PLA2G15: variants seen among roughly 807,000 people sequenced by gnomAD.
PLA2G15 encodes lysosomal phospholipase A and acyltransferase.
A neutral mutation model predicts 40.9 loss-of-function variants in PLA2G15; 20 were observed. The observed-to-expected ratio is 0.49, with a 90% CI of 0.34 to 0.71. The LOEUF is 0.71. Among genes scored for constraint, PLA2G15 ranks in the 30% least tolerant of loss-of-function variants. The pLI is 0.01. For missense variants in PLA2G15, 471 were observed against 541.9 expected, an observed-to-expected ratio of 0.87 and a Z score of 1.30; for synonymous variants, 223 against 228.2, an observed-to-expected ratio of 0.98 and a Z score of 0.21.
chr16:68,254,841 C>CAGGA lies in PLA2G15; in HGVS notation c.285-77_285-74dup, dbSNP rs151307163. The CAGGA allele has an allele frequency of 1.4e-3, 1,192 of 871,270 alleles. 15 individuals are homozygous for CAGGA. The African/African-American group carries it at 0.017, about 12-fold the overall frequency. The allele number at this position is 871,270 out of a possible 1,614,324, so 54.0% of individuals were successfully genotyped here. A position where few individuals can be genotyped will look rare whatever the true frequency, so the allele number is the denominator to read the frequency against. Reference sequence around the variant, plus strand: ...CTGGGCATGAGAAGGGAGTATGACTCAGGACATGATGCACTGTTGGGACAC... The same window carrying CAGGA: ...CTGGGCATGAGAAGGGAGTATGACTCAGGAAGGACATGATGCACTGTTGGGACAC... On this transcript the variant is annotated intron_variant, in intron 2 of 5. Transcript: ENST00000219345.
In PLA2G15 at chr16:68,255,661, G is replaced by A; in HGVS notation, c.503-105G>A. ...CCCAGACCGCTCTGTTTGAATGTGA[G>A]CACCCTCCCCTCCCCCTCTCGTCTT... On this transcript the variant is annotated intron_variant, in intron 4 of 5. Coordinates refer to ENST00000219345, the MANE Select transcript of PLA2G15 (RefSeq NM_012320.4). This position sits in a 1 kb window ranked among gnomAD's most constrained non-coding sequence, Gnocchi z 5.9. 1 of 928,518 alleles carries A rather than the reference G, an allele frequency of 1.1e-6. No individual in the cohort carries two copies. The highest frequency in any genetic ancestry group is 1.4e-5 in the South Asian group (1 of 69,046). The allele number at this position is 928,518 out of a possible 1,614,324, so 57.5% of individuals were successfully genotyped here. A position where few individuals can be genotyped will look rare whatever the true frequency, so the allele number is the denominator to read the frequency against.
chr16:68,259,329 T>G lies in PLA2G15; in HGVS notation c.911T>G (p.Phe304Cys), dbSNP rs1336160834. The G allele has an allele frequency of 2.5e-6, 4 of 1,614,062 alleles. No individual in the cohort carries two copies. The South Asian group carries it at 4.4e-5, about 18-fold the overall frequency. The change falls in exon 6 of 6, where the codon TTT becomes TGT. Residue 304 changes from phenylalanine (F) to cysteine (C), a missense_variant. By Grantham distance (205) the Phe-to-Cys change is radical. Coordinates refer to ENST00000219345, the MANE Select transcript of PLA2G15 (RefSeq NM_012320.4). The surrounding 1 kb of genome is among the most constrained non-coding windows in gnomAD (Gnocchi z 6.5). ...DYRKFFQDIG[F>C]EDGWLMRQDT... ...CGCAAGTTCTTCCAGGACATCGGCT[T>G]TGAAGATGGCTGGCTCATGCGGCAG...
chr16:68,249,641 C>G (rs1567571974), intron 2 of PLA2G15, among the ~76,000 whole-genome samples, 195 bp downstream of exon 2: 1 of 152,186 alleles, frequency 6.6e-6, no homozygotes, highest in Non-Finnish European at 1.5e-5. Context: ...TCCTGCTGCC[C>G]TTGTTCCTCT....
rs751058996 is a variant in PLA2G15 at position 68,259,995 on chromosome 16, C to G, written c.*338C>G. ...CATGTGTCCCCCCTATTCCTGTGGG[C>G]TTTTCATACTTGCCTACTGGGCCCT... is the stretch of plus-strand genomic sequence containing the variant. On this transcript the variant is annotated 3_prime_UTR_variant, in exon 6 of 6. Coordinates refer to ENST00000219345, the MANE Select transcript of PLA2G15 (RefSeq NM_012320.4). The surrounding 1 kb of genome is among the most constrained non-coding windows in gnomAD (Gnocchi z 6.5). 9.9e-5 allele frequency: 33 copies of G among 333,206 alleles called. No homozygotes were observed. Among genetic ancestry groups the G allele is most frequent in the Non-Finnish European group, 1.6e-4 (29 of 178,310 alleles). The allele number at this position is 333,206 out of a possible 1,614,324, so 20.6% of individuals were successfully genotyped here.
rs1238525685 is a variant in PLA2G15, at chr16:68,250,775, G to C, written c.284+1329G>C. Among the ~76,000 whole-genome samples the C allele has an allele frequency of 7.2e-5, 11 of 152,284 alleles. No individual in the cohort carries two copies. In the East Asian group the frequency reaches 2.1e-3, roughly 29 times the overall value. Reference sequence around the variant, plus strand: ...TGCACCTGTAGTCCCAGCTACTTAGGGGGCTGAGGCAGGAGAATTGCTTGA... The same window carrying C: ...TGCACCTGTAGTCCCAGCTACTTAGCGGGCTGAGGCAGGAGAATTGCTTGA... On this transcript the variant is annotated intron_variant, in intron 2 of 5. Transcript: ENST00000219345.
intron 5 of PLA2G15, chr16:68,258,776 C>G: frequency 4.8e-6 from 1 of 208,854 alleles, no homozygotes; most frequent in East Asian, 1.3e-4. Flanking sequence ...GAATGAGACC[C>G]TACTTCAAAA....
chr16:68,257,415 G>T (rs1175320440), intron 5 of PLA2G15, among the ~76,000 whole-genome samples: 1 of 152,246 alleles, frequency 6.6e-6, no homozygotes, highest in South Asian at 2.1e-4. Context: ...AGCAGGTGCA[G>T]ATCTGGCTGG....
In PLA2G15 at chr16:68,259,696, C is replaced by T. The variant is rs756998160; in HGVS notation, c.*39C>T. Reference sequence around the variant, plus strand: ...GGACTCCTGTGGCTCGGCCGTGGACCTGCTGTTGGCCTCTGGGGCTGTCAT... The same window carrying T: ...GGACTCCTGTGGCTCGGCCGTGGACTTGCTGTTGGCCTCTGGGGCTGTCAT... On this transcript the variant is annotated 3_prime_UTR_variant, in exon 6 of 6. Transcript: ENST00000219345. This position sits in a 1 kb window ranked among gnomAD's most constrained non-coding sequence, Gnocchi z 6.5. 5 of 1,585,376 alleles carry T rather than the reference C, an allele frequency of 3.2e-6. No individual in the cohort carries two copies. In the South Asian group the frequency reaches 4.5e-5, roughly 14 times the overall value.
rs372450538 is a variant in PLA2G15, at chr16:68,256,015, G to A, written c.727+25G>A. The A allele has an allele frequency of 8.7e-6, 13 of 1,489,074 alleles. No homozygotes were observed. The Admixed American group carries it at 1.8e-4, about 21-fold the overall frequency. 92.2% of individuals were successfully genotyped at this position (1,489,074 alleles called of 1,614,324 possible). A position where few individuals can be genotyped will look rare whatever the true frequency, so the allele number is the denominator to read the frequency against. On this transcript the variant is annotated intron_variant, in intron 5 of 5. Transcript: ENST00000219345. ...GGTAAGACCCTACCTGGCCCAGCGT[G>A]GGGGGCTGTTGCCAGGAATTCTGCC...
chr16:68,258,402 C>T (rs2042417830), intron 5 of PLA2G15, among the ~76,000 whole-genome samples: 1 of 152,222 alleles, frequency 6.6e-6, no homozygotes, highest in Non-Finnish European at 1.5e-5. Context: ...TCAGTGCCCA[C>T]AGGCCTGATC....
At position 68,255,208 on chromosome 16, in the gene PLA2G15, T is replaced by C; in HGVS notation, c.404-74T>C. ...TCCAAGGACCTGCTAGCTGTCACAG[T>C]CTCCATGCTGGGCATAGTGTAGGTG... On this transcript the variant is annotated intron_variant, in intron 3 of 5. Transcript: ENST00000219345. The surrounding 1 kb of genome is among the most constrained non-coding windows in gnomAD (Gnocchi z 5.9). 1 of 1,151,880 alleles carries C rather than the reference T, an allele frequency of 8.7e-7. No individual in the cohort carries two copies. The highest frequency in any genetic ancestry group is 1.3e-6 in the Non-Finnish European group (1 of 765,318). 71.4% of individuals were successfully genotyped at this position (1,151,880 alleles called of 1,614,324 possible).
intron 2 of PLA2G15, chr16:68,254,390 G>T (rs532050649): frequency 2.0e-5 from 3 of 151,364 alleles, no homozygotes; most frequent in Non-Finnish European, 4.4e-5. Context: ...GCCCAGGCTG[G>T]AGTGCAGTGG....
At chr16:68,254,040 C>T (rs1035379993) in intron 2 of PLA2G15, among the ~76,000 whole-genome samples, 3 of 152,038 alleles carry the variant, frequency 2.0e-5, no homozygotes, top group Non-Finnish European at 2.9e-5. Flanking sequence ...ACCTGGGATA[C>T]GTTGGGCTGG....
At chr16:68,251,857 CAAAA>C (rs57051096) in intron 2 of PLA2G15, among the ~76,000 whole-genome samples, 7 of 77,254 alleles carry the variant, frequency 9.1e-5, no homozygotes, top group Admixed American at 1.4e-4. Flanking sequence ...GAGACTGTCT[CAAAA>C]AAAAAAAAAA....
rs1281022118 is a variant in PLA2G15 at position 68,259,048 on chromosome 16, G to T, written c.728-98G>T. ...GGTAGAGATGCGGGACTGTGGACTG[G>T]GCCCCTGGCTGGGGTCTGGCAGGGG... On this transcript the variant is annotated intron_variant, in intron 5 of 5. Coordinates refer to ENST00000219345, the MANE Select transcript of PLA2G15 (RefSeq NM_012320.4). This position sits in a 1 kb window ranked among gnomAD's most constrained non-coding sequence, Gnocchi z 6.5. The T allele has an allele frequency of 1.3e-5, 12 of 928,316 alleles. No homozygotes were observed. The highest frequency in any genetic ancestry group is 1.8e-5 in the Non-Finnish European group (11 of 603,730). 57.5% of individuals were successfully genotyped at this position (928,316 alleles called of 1,614,324 possible). A position where few individuals can be genotyped will look rare whatever the true frequency, so the allele number is the denominator to read the frequency against.
In PLA2G15 at chr16:68,255,361, T is replaced by C. The variant is rs981068936; in HGVS notation, c.483T>C (p.Tyr161=). 1 of 1,611,826 alleles carries C rather than the reference T, an allele frequency of 6.2e-7. No homozygotes were observed. Among genetic ancestry groups the C allele is most frequent in the Admixed American group, 1.7e-5 (1 of 59,626 alleles). ...TRGEDVRGAP[Y]DWRRAPNENG... ...GTGAGGATGTCCGAGGGGCTCCCTA[T>C]GACTGGCGCCGAGCCCCAAGTAAGC... is the stretch of plus-strand genomic sequence containing the variant. The change falls in exon 4 of 6, where the codon TAT becomes TAC. Residue 161 remains tyrosine, a synonymous_variant. Transcript: ENST00000219345. The surrounding 1 kb of genome is among the most constrained non-coding windows in gnomAD (Gnocchi z 5.9).
rs150754209 is a variant in PLA2G15 at position 68,246,905 on chromosome 16, G to A, written c.127+1352G>A. On this transcript the variant is annotated intron_variant, in intron 1 of 5. Transcript: ENST00000219345. ...CTGAACTTTATCTTGAGGGCCTCAG[G>A]GAGTCCTGGGTTGGCCTGCAGAGTT... Among the ~76,000 whole-genome samples the A allele has an allele frequency of 8.8e-4, 134 of 152,274 alleles. 1 individual carries two copies. Among genetic ancestry groups the A allele is most frequent in the African/African-American group, 3.1e-3 (128 of 41,544 alleles).
Position 68,259,984 on chromosome 16 carries a change from A to G in PLA2G15, c.*327A>G, listed in dbSNP as rs763552152. On this transcript the variant is annotated 3_prime_UTR_variant, in exon 6 of 6. Transcript: ENST00000219345. This position sits in a 1 kb window ranked among gnomAD's most constrained non-coding sequence, Gnocchi z 6.5. ...CTGCCTGGGGCCATGTGTCCCCCCT[A>G]TTCCTGTGGGCTTTTCATACTTGCC... 2.7e-6 allele frequency: 1 copy of G among 368,812 alleles called. No individual in the cohort carries two copies. Among genetic ancestry groups the G allele is most frequent in the Non-Finnish European group, 5.0e-6 (1 of 199,154 alleles). 22.8% of individuals were successfully genotyped at this position (368,812 alleles called of 1,614,324 possible). A position where few individuals can be genotyped will look rare whatever the true frequency, so the allele number is the denominator to read the frequency against.
Position 68,255,148 on chromosome 16 carries a change from C to A in PLA2G15, c.403+111C>A. 1.0e-6 allele frequency: 1 copy of A among 987,552 alleles called. No individual in the cohort carries two copies. The highest frequency in any genetic ancestry group is 1.6e-6 in the Non-Finnish European group (1 of 619,270). The allele number at this position is 987,552 out of a possible 1,614,324, so 61.2% of individuals were successfully genotyped here. A position where few individuals can be genotyped will look rare whatever the true frequency, so the allele number is the denominator to read the frequency against. On this transcript the variant is annotated intron_variant, in intron 3 of 5. Coordinates refer to ENST00000219345, the MANE Select transcript of PLA2G15 (RefSeq NM_012320.4). The surrounding 1 kb of genome is among the most constrained non-coding windows in gnomAD (Gnocchi z 5.9). The stretch of plus-strand genomic sequence containing the variant: ...TGTAGGGACAGCCTGTGAGCTGTCT[C>A]TGATCAGCGTGGGCACAGAGCCCTG...
Sources: allele counts gnomAD v4.1 joint callset (sites outside exome capture counted in the v4.1 genomes callset), GRCh38; gene constraint gnomAD v4.1.1; non-coding constraint Gnocchi (gnomAD v3.1); transcripts MANE v1.5; gene names NCBI Gene and HGNC (gene_info 2026-07-23, HGNC 2026-07-21).